AGAP1: variants seen among roughly 807,000 people sequenced by gnomAD.
The protein encoded by AGAP1 is ArfGAP with GTPase domain, ankyrin repeat and PH domain 1.
Under a neutral mutation model 105.3 loss-of-function variants are expected in AGAP1, and 29 were observed. The observed-to-expected ratio is 0.28, with a 90% CI of 0.21 to 0.38. The LOEUF is 0.38. Among genes scored for constraint, AGAP1 ranks in the 10% least tolerant of loss-of-function variants. AGAP1 has a pLI of 1.00. For missense variants in AGAP1, 998 were observed against 1,165.1 expected (o/e 0.86, Z 2.09); for synonymous variants, 509 against 485.9 (o/e 1.05, Z -0.63).
rs1943979220 is a variant in AGAP1 at position 235,556,520 on chromosome 2, C to T, written c.163+61671C>T. 6.6e-6 allele frequency among the ~76,000 whole-genome samples: 1 copy of T among 152,192 alleles called. No homozygotes were observed. The highest frequency in any genetic ancestry group is 1.5e-5 in the Non-Finnish European group (1 of 68,030). On this transcript the variant is annotated intron_variant, in intron 1 of 17. Coordinates refer to ENST00000304032, the MANE Select transcript of AGAP1 (RefSeq NM_001037131.3). The surrounding 1 kb of genome is among the most constrained non-coding windows in gnomAD (Gnocchi z 5.3). ...CAGCAGAGGGCCATGAGTGCCTAAC[C>T]GTTTACCTGTTTTCTGCTCTGACCA...
At chr2:235,647,225 A>G (rs545856727) in intron 1 of AGAP1, among the ~76,000 whole-genome samples, 1 of 152,302 alleles carries the variant, frequency 6.6e-6, no homozygotes, top group East Asian at 1.9e-4. Flanking sequence ...TCTGGTCACA[A>G]CTGCATGCAA....
At chr2:235,999,309 TGGTGG>T (rs2055977403) in intron 13 of AGAP1, among the ~76,000 whole-genome samples, 2 of 68,194 alleles carry the variant, frequency 2.9e-5, no homozygotes, top group Non-Finnish European at 7.0e-5. Flanking sequence ...GTGATGGTGA[TGGTGG>T]TGGTGGTGGT....
chr2:235,584,696 A>T (rs1211476429), intron 1 of AGAP1, among the ~76,000 whole-genome samples: 1 of 151,734 alleles, frequency 6.6e-6, no homozygotes, highest in Admixed American at 6.6e-5. Flanking sequence ...GAGGGAATAC[A>T]TTTCTGCTGT....
Position 235,957,774 on chromosome 2 carries a change from C to T in AGAP1, c.1484-10688C>T, listed in dbSNP as rs112182870. ...ATCCAAATTAGCTTTATATCGTTGGCCGTGTATCAAAGGAAGTGCGTTTTA... is the reference window on the plus strand; with the variant it reads ...ATCCAAATTAGCTTTATATCGTTGGTCGTGTATCAAAGGAAGTGCGTTTTA... On this transcript the variant is annotated intron_variant, in intron 12 of 17. Transcript: ENST00000304032. This position sits in a 1 kb window ranked among gnomAD's most constrained non-coding sequence, Gnocchi z 4.6. 7.6e-3 allele frequency among the ~76,000 whole-genome samples: 1,156 copies of T among 152,298 alleles called. 12 individuals carry two copies. The highest frequency in any genetic ancestry group is 0.012 in the South Asian group (60 of 4,824).
intron 1 of AGAP1, among the ~76,000 whole-genome samples, chr2:235,695,829 A>G (rs944975452): frequency 6.6e-6 from 1 of 152,166 alleles, no homozygotes; most frequent in African/African-American, 2.4e-5. Flanking sequence ...GTCCTTCACA[A>G]GGAGGTGGCT....
Position 236,083,113 on chromosome 2 carries a change from C to A in AGAP1, c.2114+33832C>A, listed in dbSNP as rs2058829959. 6.6e-6 allele frequency among the ~76,000 whole-genome samples: 1 copy of A among 152,082 alleles called. No individual in the cohort carries two copies. The highest frequency in any genetic ancestry group is 2.1e-4 in the South Asian group (1 of 4,816). On this transcript the variant is annotated intron_variant, in intron 16 of 17. Coordinates refer to ENST00000304032, the MANE Select transcript of AGAP1 (RefSeq NM_001037131.3). This position sits in a 1 kb window ranked among gnomAD's most constrained non-coding sequence, Gnocchi z 5.3. ...TAGGTTGCAGTGAGCCGAGATCACG[C>A]CATTGCACTCCAGCCTAGGCAACGA...
chr2:236,084,115 T>G (rs964309139), intron 16 of AGAP1, among the ~76,000 whole-genome samples: 3 of 152,084 alleles, frequency 2.0e-5, no homozygotes, highest in African/African-American at 7.2e-5. Flanking sequence ...ATAAAACCCC[T>G]ACAGCCTGTA....
At chr2:235,572,003 C>CACT (rs1336199763) in intron 1 of AGAP1, among the ~76,000 whole-genome samples, 9 of 93,494 alleles carry the variant, frequency 9.6e-5, no homozygotes, top group Admixed American at 2.1e-4. Context: ...CACACACACA[C>CACT]TTTTTTTTTT....
intron 16 of AGAP1, among the ~76,000 whole-genome samples, chr2:236,065,260 G>A (rs73125536): frequency 0.08 from 12,140 of 152,218 alleles, 1,180 homozygotes; most frequent in African/African-American, 0.22. Flanking sequence ...TAACTTATTC[G>A]CACACAGGGG....
chr2:235,688,925 C>T (rs996566243), intron 1 of AGAP1, among the ~76,000 whole-genome samples: 1 of 152,144 alleles, frequency 6.6e-6, no homozygotes, highest in African/African-American at 2.4e-5. Context: ...AACGCAATTG[C>T]AGCAGCAGCA....
chr2:235,871,710 C>G (rs772198229), intron 9 of AGAP1, among the ~76,000 whole-genome samples: 2 of 152,238 alleles, frequency 1.3e-5, no homozygotes, highest in Non-Finnish European at 2.9e-5. Flanking sequence ...TTTCTTATAA[C>G]ACTGTGGCTG....
chr2:236,107,791 C>G (rs1290253378), intron 16 of AGAP1, among the ~76,000 whole-genome samples: 3 of 152,216 alleles, frequency 2.0e-5, no homozygotes, highest in Non-Finnish European at 2.9e-5. Context: ...CGCCTGGGGC[C>G]TGCACCTGCC....
chr2:235,673,678 C>G (rs1170534192), intron 1 of AGAP1, among the ~76,000 whole-genome samples: 2 of 152,164 alleles, frequency 1.3e-5, no homozygotes, highest in East Asian at 3.9e-4. Flanking sequence ...AGATTGACAG[C>G]TAAACTATCG....
rs897590239 is a variant in AGAP1 at position 235,721,266 on chromosome 2, C to T, written c.310+3622C>T. Among the ~76,000 whole-genome samples the T allele has an allele frequency of 2.0e-5, 3 of 152,170 alleles. No homozygotes were observed. The highest frequency in any genetic ancestry group is 2.1e-4 in the South Asian group (1 of 4,826). On this transcript the variant is annotated intron_variant, in intron 3 of 17. Transcript: ENST00000304032. This position sits in a 1 kb window ranked among gnomAD's most constrained non-coding sequence, Gnocchi z 4.5. ...TAAGTGATCCACCTGCCTGGGCCTC[C>T]CAAAGTGCTGGGATTACAGGCATGA...
In AGAP1 at chr2:236,045,899, T is replaced by TGTGCCCCC. The variant is rs2057702233; in HGVS notation, c.1892-3159_1892-3158insTGCCCCCG. 2.1e-6 allele frequency: 1 copy of TGTGCCCCC among 468,612 alleles called. No homozygotes were observed. Among genetic ancestry groups the TGTGCCCCC allele is most frequent in the African/African-American group, 2.0e-5 (1 of 50,066 alleles). 29.0% of individuals were successfully genotyped at this position (468,612 alleles called of 1,614,324 possible). A position where few individuals can be genotyped will look rare whatever the true frequency, so the allele number is the denominator to read the frequency against. On this transcript the variant is annotated intron_variant, in intron 15 of 17. Coordinates refer to ENST00000304032, the MANE Select transcript of AGAP1 (RefSeq NM_001037131.3). The surrounding 1 kb of genome is among the most constrained non-coding windows in gnomAD (Gnocchi z 6.9). ...GCAGAGGGTGGTGAGCATGGGGCCC[T>TGTGCCCCC]GGAACACTGTGCCCCCGCCCCCTGC...
intron 1 of AGAP1, among the ~76,000 whole-genome samples, chr2:235,581,796 T>A (rs1360739252): frequency 6.6e-6 from 1 of 151,804 alleles, no homozygotes; most frequent in Non-Finnish European, 1.5e-5. Context: ...CAGAGCGAGA[T>A]TCCATCTTCA....
chr2:235,876,760 T>G (rs1036977559), intron 9 of AGAP1, among the ~76,000 whole-genome samples: 2 of 152,162 alleles, frequency 1.3e-5, no homozygotes, highest in East Asian at 1.9e-4. Flanking sequence ...TTGCCTGCCT[T>G]CCTTCTCCTC....
chr2:235,699,319 G>C (rs1466266880), intron 1 of AGAP1, among the ~76,000 whole-genome samples: 1 of 152,166 alleles, frequency 6.6e-6, no homozygotes, highest in African/African-American at 2.4e-5. Flanking sequence ...GCTACAGAGA[G>C]CCTGATGTAT....
chr2:235,669,985 C>T (rs1382122183), intron 1 of AGAP1: 1 of 259,974 alleles, frequency 3.8e-6, no homozygotes, highest in African/African-American at 2.3e-5. Context: ...GCGGCCCTCG[C>T]GGTCAGCGGG....
Sources: gnomAD v4.1 joint callset for allele counts (sites outside exome capture counted in the v4.1 genomes callset) on GRCh38, gnomAD v4.1.1 for gene constraint, Gnocchi (gnomAD v3.1) non-coding constraint, MANE v1.5 for transcripts, NCBI Gene and HGNC (gene_info 2026-07-23, HGNC 2026-07-21) for gene names.